DGKG: variants seen among roughly 807,000 people sequenced by gnomAD.
The protein encoded by DGKG is DAG kinase gamma.
In DGKG, 78 loss-of-function variants were observed where a neutral mutation model predicts 105.3. The observed-to-expected ratio is 0.74, with a 90% confidence interval of 0.62 to 0.89. The LOEUF is 0.89. Among genes scored for constraint, DGKG ranks in the 40% least tolerant of loss-of-function variants. DGKG has a pLI of 0.00. For missense variants in DGKG, 958 were observed against 1,020.1 expected, an observed-to-expected ratio of 0.94 and a Z score of 0.83; for synonymous variants, 346 against 367.1, an observed-to-expected ratio of 0.94 and a Z score of 0.66.
chr3:186,198,763 T>C lies in DGKG; in HGVS notation c.1918-10384A>G, dbSNP rs1300904866. 3.3e-5 allele frequency among the ~76,000 whole-genome samples: 5 copies of C among 152,202 alleles called. No individual in the cohort carries two copies. In the East Asian group the frequency reaches 9.6e-4, roughly 29 times the overall value. ...AGAAAAGGAAGTAGTTACCTGCATG[T>C]CTGCAGGGCCTATGGCCATAATAGA... On this transcript the variant is annotated intron_variant, in intron 21 of 24. Transcript: ENST00000265022.
At chr3:186,269,584 G>A (rs186463759) in intron 11 of DGKG, among the ~76,000 whole-genome samples, 3 of 152,286 alleles carry the variant, frequency 2.0e-5, no homozygotes, top group Admixed American at 2.0e-4. Context: ...ACATCCTAAT[G>A]CCCAGCCGAC....
chr3:186,267,604 G>T, intron 13 of DGKG, 81 bp downstream of exon 13: 6 of 1,039,194 alleles, frequency 5.8e-6, no homozygotes, highest in Non-Finnish European at 9.1e-6. Context: ...CCCTGGGAAG[G>T]ATGTGAATGT....
Position 186,299,841 on chromosome 3 carries a change from T to TTCCTTC in DGKG, c.145-1613_145-1612insGAAGGA, listed in dbSNP as rs1723827570. ...TCTTTCTTTCTTTCTTTCTTTCTTT[T>TTCCTTC]TTTTTTTTTTTGAGATAGAGCCTTG... On this transcript the variant is annotated intron_variant, in intron 3 of 24. Transcript: ENST00000265022. 7.8e-4 allele frequency among the ~76,000 whole-genome samples: 58 copies of TTCCTTC among 74,656 alleles called. 1 individual carries two copies. The highest frequency in any genetic ancestry group is 3.2e-3 in the African/African-American group (55 of 17,086). 49.0% of individuals were successfully genotyped at this position (74,656 alleles called of 152,430 possible). A position where few individuals can be genotyped will look rare whatever the true frequency, so the allele number is the denominator to read the frequency against.
At chr3:186,261,840 A>C in intron 14 of DGKG, 62 bp from the exon 15 acceptor site, 1 of 1,102,786 alleles carries the variant, frequency 9.1e-7, no homozygotes, top group South Asian at 1.5e-5. Flanking sequence ...GTGAGATGAG[A>C]GTTGAAGCCA....
intron 5 of DGKG, among the ~76,000 whole-genome samples, chr3:186,289,121 T>A (rs1723201471): frequency 6.6e-6 from 1 of 152,194 alleles, no homozygotes; most frequent in South Asian, 2.1e-4. Flanking sequence ...AGGAAATTCA[T>A]CTATACTCTG....
chr3:186,173,326 T>C lies in DGKG; in HGVS notation c.2096-8308A>G, dbSNP rs533680391. Among the ~76,000 whole-genome samples, 58 of 152,348 alleles carry C rather than the reference T, an allele frequency of 3.8e-4. No homozygotes were observed. The South Asian group carries it at 0.012, about 30-fold the overall frequency. ...TTGAGAACAAAAGAGATAAAGAATA[T>C]GAAAGTGATCTGTAAAAAGCCATGT... On this transcript the variant is annotated intron_variant, in intron 22 of 24. Coordinates refer to ENST00000265022, the MANE Select transcript of DGKG (RefSeq NM_001346.3).
At chr3:186,274,277 T>C (rs774449823) in intron 10 of DGKG, among the ~76,000 whole-genome samples, 6 of 152,248 alleles carry the variant, frequency 3.9e-5, no homozygotes, top group Non-Finnish European at 5.9e-5. Flanking sequence ...AACCTCTGCC[T>C]CCTGGGCTCG....
At chr3:186,167,062 T>C (rs1311540936) in intron 22 of DGKG, among the ~76,000 whole-genome samples, 1 of 151,896 alleles carries the variant, frequency 6.6e-6, no homozygotes, top group East Asian at 1.9e-4. Flanking sequence ...AGCTATCACT[T>C]CCCACACATT....
At chr3:186,223,011 CTA>C (rs55753193) in intron 20 of DGKG, among the ~76,000 whole-genome samples, 22,926 of 80,528 alleles carry the variant, frequency 0.28, 4,759 homozygotes, top group Middle Eastern at 0.41. Context: ...TGTATGTATA[CTA>C]TATATATATA....
intron 7 of DGKG, among the ~76,000 whole-genome samples, chr3:186,282,907 C>CT (rs372707024): frequency 5.2e-4 from 76 of 147,306 alleles, no homozygotes; most frequent in East Asian, 4.2e-3. Flanking sequence ...AAAAGATACA[C>CT]TTTTTTTTTT....
intron 1 of DGKG, among the ~76,000 whole-genome samples, chr3:186,341,511 G>GATGATAAC (rs1553823469): frequency 6.6e-6 from 1 of 152,186 alleles, no homozygotes; most frequent in East Asian, 1.9e-4. Flanking sequence ...AAAGAGTTGG[G>GATGATAAC]ATGATACCAT....
At chr3:186,325,795 C>G (rs192220509) in intron 1 of DGKG, among the ~76,000 whole-genome samples, 2 of 152,158 alleles carry the variant, frequency 1.3e-5, no homozygotes, top group African/African-American at 4.8e-5. Context: ...CTGTGGGTTA[C>G]AAATCTGTTG....
chr3:186,280,791 A>T, intron 7 of DGKG, 47 bp from the exon 8 acceptor site: 1 of 1,535,072 alleles, frequency 6.5e-7, no homozygotes, highest in Non-Finnish European at 9.0e-7. Flanking sequence ...ACAACCAGAG[A>T]TGTGTCATTA....
In DGKG at chr3:186,291,328, A is replaced by G. The variant is rs192321072; in HGVS notation, c.374-2448T>C. 8.3e-4 allele frequency among the ~76,000 whole-genome samples: 127 copies of G among 152,366 alleles called. 2 individuals carry two copies. The East Asian group carries it at 0.021, about 26-fold the overall frequency. On this transcript the variant is annotated intron_variant, in intron 5 of 24. Coordinates refer to ENST00000265022, the MANE Select transcript of DGKG (RefSeq NM_001346.3). ...AATATCCCTTATGAACACAGAGGCA[A>G]ACGTTCTTAATATTTTAGCAAATTG...
chr3:186,336,835 T>C (rs1725854009), intron 1 of DGKG, among the ~76,000 whole-genome samples: 1 of 152,132 alleles, frequency 6.6e-6, no homozygotes, highest in African/African-American at 2.4e-5. Context: ...GTAAGAGATT[T>C]TATTAAATTA....
chr3:186,280,975 C>T (rs570852812), intron 7 of DGKG: 1 of 472,732 alleles, frequency 2.1e-6, no homozygotes, highest in Admixed American at 3.3e-5. Context: ...AGCTCATAAA[C>T]ACTGACTTCC....
chr3:186,355,216 C>T (rs932744925), intron 1 of DGKG, among the ~76,000 whole-genome samples: 3 of 152,066 alleles, frequency 2.0e-5, no homozygotes, highest in Admixed American at 6.5e-5. Flanking sequence ...ACACCACTAT[C>T]GTCAACTCCC....
intron 14 of DGKG, among the ~76,000 whole-genome samples, chr3:186,263,588 A>G (rs567464112): frequency 6.6e-6 from 1 of 152,262 alleles, no homozygotes; most frequent in Admixed American, 6.5e-5. Context: ...CAAGCAAGCA[A>G]GCAAGCAAGC....
At chr3:186,312,589 G>A (rs1724605942) in intron 2 of DGKG, among the ~76,000 whole-genome samples, 1 of 152,196 alleles carries the variant, frequency 6.6e-6, no homozygotes, top group African/African-American at 2.4e-5. Flanking sequence ...TAAGTGGTGG[G>A]CAGGGGGAGT....
Sources: allele counts gnomAD v4.1 joint callset (sites outside exome capture counted in the v4.1 genomes callset), GRCh38; gene constraint gnomAD v4.1.1; transcripts MANE v1.5; gene names NCBI Gene and HGNC (gene_info 2026-07-23, HGNC 2026-07-21).